The following RGS6 variants were observed in gnomAD, a reference collection of about 807,000 sequenced individuals.
RGS6 encodes regulator of G-protein signaling 6.
RGS6 carries 30 observed loss-of-function variants against 78.5 expected under a neutral mutation model. The observed-to-expected ratio is 0.38, with a 90% CI of 0.29 to 0.52. RGS6 has a LOEUF of 0.52. RGS6 is among the 20% of genes least tolerant of loss of function. RGS6 has a pLI of 0.85. For missense variants in RGS6, 495 were observed against 609.7 expected (o/e 0.81, Z 1.98); for synonymous variants, 206 against 206.0 (o/e 1.00, Z 0.00).
At chr14:72,402,285 A>G (rs1008690813) in intron 3 of RGS6, among the ~76,000 whole-genome samples, 8 of 152,250 alleles carry the variant, frequency 5.3e-5, no homozygotes, top group African/African-American at 1.7e-4. Flanking sequence ...AAGGAGGCAC[A>G]GAAGTACTTC....
At chr14:72,111,789 T>G (rs1368355433) in intron 2 of RGS6, among the ~76,000 whole-genome samples, 1 of 152,146 alleles carries the variant, frequency 6.6e-6, no homozygotes, top group African/African-American at 2.4e-5. Flanking sequence ...CAGTGCGCAC[T>G]CAAAAGGGAT....
chr14:72,592,903 T>G, the RGS6 span, among the ~76,000 whole-genome samples: 1 of 152,290 alleles, frequency 6.6e-6, no homozygotes, highest in East Asian at 1.9e-4. Flanking sequence ...ACTCTCAGAA[T>G]GTGGCTGGGC....
intron 2 of RGS6, among the ~76,000 whole-genome samples, chr14:72,294,529 G>T (rs112336582): frequency 2.0e-5 from 3 of 152,308 alleles, no homozygotes; most frequent in African/African-American, 7.2e-5. Context: ...TTGCTGTAAA[G>T]AAATACCTAA....
At chr14:71,921,096 G>GA in the RGS6 span, among the ~76,000 whole-genome samples, 1 of 152,122 alleles carries the variant, frequency 6.6e-6, no homozygotes, top group African/African-American at 2.4e-5. Flanking sequence ...ACTGGTATAT[G>GA]AAAAAATGCT....
chr14:72,281,632 G>T (rs1291433911), intron 2 of RGS6, among the ~76,000 whole-genome samples: 1 of 152,208 alleles, frequency 6.6e-6, no homozygotes, highest in Non-Finnish European at 1.5e-5. Flanking sequence ...GAAGGCCTCT[G>T]TGAGGAGACT....
chr14:71,873,913 T>G, the RGS6 span, among the ~76,000 whole-genome samples: 25 of 152,240 alleles, frequency 1.6e-4, no homozygotes, highest in Admixed American at 1.5e-3. Flanking sequence ...TTTCCCCATT[T>G]CTTCTTTTTG....
rs538772549 is a variant in RGS6 at position 72,521,187 on chromosome 14, T to C, written c.1278+2650T>C. Among the ~76,000 whole-genome samples, 8 of 152,362 alleles carry C rather than the reference T, an allele frequency of 5.3e-5. No individual in the cohort carries two copies. In the South Asian group the frequency reaches 1.7e-3, roughly 32 times the overall value. ...CGCTTGTTTCTTACACCTGTGCCTC[T>C]TTTCTCTATGCTGACAATCCTGACT... On this transcript the variant is annotated intron_variant, in intron 15 of 17. Transcript: ENST00000553525.
intron 2 of RGS6, among the ~76,000 whole-genome samples, chr14:72,135,506 C>T (rs1319248886): frequency 6.6e-6 from 1 of 152,132 alleles, no homozygotes; most frequent in Admixed American, 6.5e-5. Context: ...CACTTTCTGG[C>T]ATGTTTTTTA....
chr14:72,456,679 A>C (rs1189641354), intron 4 of RGS6, among the ~76,000 whole-genome samples: 1 of 152,086 alleles, frequency 6.6e-6, no homozygotes, highest in Admixed American at 6.6e-5. Flanking sequence ...CATGAAAGTC[A>C]CCTTCCTACA....
intron 3 of RGS6, among the ~76,000 whole-genome samples, chr14:72,418,690 GTATT>G (rs1475864864): frequency 6.6e-6 from 1 of 152,196 alleles, no homozygotes; most frequent in African/African-American, 2.4e-5. Flanking sequence ...GCCTGGAAAT[GTATT>G]TATTCTCCTG....
At chr14:71,988,015 C>G (rs950454963) in intron 2 of RGS6, among the ~76,000 whole-genome samples, 4 of 152,106 alleles carry the variant, frequency 2.6e-5, no homozygotes, top group African/African-American at 9.7e-5. Context: ...CAAGGCCTCT[C>G]TTTCCGTCAT....
At chr14:72,476,867 C>A in intron 11 of RGS6, 27 bp downstream of exon 11, 1 of 1,582,440 alleles carries the variant, frequency 6.3e-7, no homozygotes, top group Admixed American at 1.7e-5. Context: ...CTTGCACTCT[C>A]AGGAGGAGAC....
At chr14:72,390,881 G>A (rs914739946) in intron 3 of RGS6, among the ~76,000 whole-genome samples, 3 of 152,130 alleles carry the variant, frequency 2.0e-5, no homozygotes, top group African/African-American at 7.2e-5. Context: ...TTTATTCCAG[G>A]ACTGAGATGT....
the RGS6 span, among the ~76,000 whole-genome samples, chr14:72,620,399 T>C: frequency 6.6e-6 from 1 of 152,210 alleles, no homozygotes; most frequent in Admixed American, 6.5e-5. Context: ...TGGACTCCAC[T>C]CTCTCCATCT....
chr14:72,142,801 G>A (rs1399250197), intron 2 of RGS6, among the ~76,000 whole-genome samples: 1 of 152,184 alleles, frequency 6.6e-6, no homozygotes, highest in Non-Finnish European at 1.5e-5. Flanking sequence ...TTAGTAGTGG[G>A]AAGTGAAGGG....
At chr14:71,899,380 T>C in the RGS6 span, among the ~76,000 whole-genome samples, 1 of 152,200 alleles carries the variant, frequency 6.6e-6, no homozygotes, top group African/African-American at 2.4e-5. Flanking sequence ...TGAATCTCTT[T>C]TGCAAATTTC....
At chr14:72,371,007 A>G (rs2083406695) in intron 3 of RGS6, among the ~76,000 whole-genome samples, 1 of 152,328 alleles carries the variant, frequency 6.6e-6, no homozygotes, top group East Asian at 1.9e-4. Context: ...TTATTTCCAA[A>G]GAGCATTTCC....
chr14:72,374,413 G>A (rs549406882), intron 3 of RGS6, among the ~76,000 whole-genome samples: 28 of 152,142 alleles, frequency 1.8e-4, no homozygotes, highest in African/African-American at 6.0e-4. Context: ...TACAAAGGAC[G>A]GCATTATTCA....
At chr14:71,944,728 G>A (rs1343182391) in intron 1 of RGS6, among the ~76,000 whole-genome samples, 1 of 152,146 alleles carries the variant, frequency 6.6e-6, no homozygotes, top group African/African-American at 2.4e-5. Flanking sequence ...GTTTTCAGAT[G>A]AAAGGTGTTA....
Sources: gnomAD v4.1 joint callset for allele counts (sites outside exome capture counted in the v4.1 genomes callset) on GRCh38, gnomAD v4.1.1 for gene constraint, MANE v1.5 for transcripts, NCBI Gene and HGNC (gene_info 2026-07-23, HGNC 2026-07-21) for gene names.